The following DCC variants were observed in gnomAD, a reference collection of about 807,000 sequenced individuals.
DCC encodes netrin receptor DCC.
In DCC, 58 loss-of-function variants were observed where a neutral mutation model predicts 172.5. That is an observed-to-expected ratio of 0.34 (90% CI 0.27 to 0.42). The LOEUF is 0.42. Ranked by LOEUF, DCC falls within the 10% of genes least tolerant of loss-of-function variation. The pLI, the probability that DCC is intolerant of heterozygous loss-of-function variation, is 1.00. For missense variants in DCC, 1,740 were observed against 1,791.0 expected, an observed-to-expected ratio of 0.97 and a Z score of 0.51; for synonymous variants, 709 against 644.5, an observed-to-expected ratio of 1.10 and a Z score of -1.52.
At chr18:52,796,050 A>C (rs1374024225) in intron 2 of DCC, among the ~76,000 whole-genome samples, 1 of 122,474 alleles carries the variant, frequency 8.2e-6, no homozygotes, top group African/African-American at 2.8e-5. Flanking sequence ...TGTTTTCTAT[A>C]GGTACAGTTA....
At chr18:52,731,079 C>T (rs1471500532) in intron 1 of DCC, among the ~76,000 whole-genome samples, 1 of 152,190 alleles carries the variant, frequency 6.6e-6, no homozygotes, top group East Asian at 1.9e-4. Flanking sequence ...ACAGCCACAA[C>T]AGGCACTGAG....
intron 7 of DCC, among the ~76,000 whole-genome samples, chr18:53,143,171 T>C (rs1222370426): frequency 6.6e-6 from 1 of 152,152 alleles, no homozygotes; most frequent in Non-Finnish European, 1.5e-5. Context: ...ACTCTTTTCT[T>C]TGGAAGCAAG....
intron 1 of DCC, among the ~76,000 whole-genome samples, chr18:52,581,603 T>A (rs1027775818): frequency 2.0e-5 from 3 of 152,192 alleles, no homozygotes; most frequent in African/African-American, 7.2e-5. Context: ...TCTATACATG[T>A]CACTTTTTCT....
intron 7 of DCC, among the ~76,000 whole-genome samples, chr18:53,111,209 T>G (rs1474974312): frequency 7.9e-6 from 1 of 127,098 alleles, no homozygotes; most frequent in Non-Finnish European, 1.6e-5. Flanking sequence ...TGAGAACACA[T>G]GGACACAGGA....
Position 53,284,116 on chromosome 18 carries a change from C to T in DCC, c.1912-21462C>T, listed in dbSNP as rs1010413684. ...CACGTGGCATTTTACTAACCCCTAC[C>T]TGCATCTCCTCAAACCCTCTGAAAG... is the stretch of plus-strand genomic sequence containing the variant. On this transcript the variant is annotated intron_variant, in intron 12 of 28. Coordinates refer to ENST00000442544, the MANE Select transcript of DCC (RefSeq NM_005215.4). Among the ~76,000 whole-genome samples the T allele has an allele frequency of 2.0e-5, 3 of 152,160 alleles. No homozygotes were observed. In the South Asian group the frequency reaches 6.2e-4, roughly 32 times the overall value.
In DCC at chr18:52,348,287, T is replaced by C. The variant is rs548817216; in HGVS notation, c.91+7409T>C. Among the ~76,000 whole-genome samples, 5 of 152,332 alleles carry C rather than the reference T, an allele frequency of 3.3e-5. No homozygotes were observed. The East Asian group carries it at 9.6e-4, about 29-fold the overall frequency. On this transcript the variant is annotated intron_variant, in intron 1 of 28. Coordinates refer to ENST00000442544, the MANE Select transcript of DCC (RefSeq NM_005215.4). The stretch of plus-strand genomic sequence containing the variant: ...GCTAGTAAAGTTGGCATAAACATTC[T>C]GGTGCATGTCCACCAGCACAAATTT...
chr18:52,929,278 A>C (rs577514151), intron 5 of DCC, among the ~76,000 whole-genome samples: 3 of 152,120 alleles, frequency 2.0e-5, no homozygotes, highest in Admixed American at 6.5e-5. Context: ...GCATCCGACC[A>C]AAGAGTCTTA....
chr18:52,405,499 T>C (rs916895921), intron 1 of DCC, among the ~76,000 whole-genome samples: 2 of 150,896 alleles, frequency 1.3e-5, no homozygotes, highest in Non-Finnish European at 3.0e-5. Flanking sequence ...CGCCCACTTT[T>C]TGATGGGGTT....
At chr18:53,034,374 A>T (rs1243505607) in intron 5 of DCC, among the ~76,000 whole-genome samples, 1 of 152,076 alleles carries the variant, frequency 6.6e-6, no homozygotes. Flanking sequence ...TTAGTATTAC[A>T]TCAAATGCAT....
intron 1 of DCC, among the ~76,000 whole-genome samples, chr18:52,568,603 AT>A (rs201950538): frequency 0.041 from 6,194 of 151,830 alleles, 163 homozygotes; most frequent in Non-Finnish European, 0.054. Context: ...AATAAATATT[AT>A]TTTTTTTCAT....
chr18:53,078,099 T>C (rs773872722), intron 7 of DCC, among the ~76,000 whole-genome samples: 3 of 152,178 alleles, frequency 2.0e-5, no homozygotes, highest in African/African-American at 4.8e-5. Flanking sequence ...CTATATTCAT[T>C]ATTCAATATT....
chr18:53,273,269 G>A (rs1027066243), intron 12 of DCC, among the ~76,000 whole-genome samples: 1 of 151,942 alleles, frequency 6.6e-6, no homozygotes, highest in African/African-American at 2.4e-5. Context: ...AATTATACAT[G>A]AGCCTCTGAA....
chr18:52,842,161 C>T (rs2038817860), intron 2 of DCC, among the ~76,000 whole-genome samples: 1 of 152,112 alleles, frequency 6.6e-6, no homozygotes, highest in Admixed American at 6.6e-5. Flanking sequence ...ACCATTGCTT[C>T]CTTTCAAACA....
At chr18:52,804,209 T>C (rs574707437) in intron 2 of DCC, among the ~76,000 whole-genome samples, 1 of 151,164 alleles carries the variant, frequency 6.6e-6, no homozygotes, top group Non-Finnish European at 1.5e-5. Flanking sequence ...TCACATTCTG[T>C]TAAACACTTT....
chr18:53,396,489 A>T (rs900010704), intron 17 of DCC, among the ~76,000 whole-genome samples: 1 of 152,228 alleles, frequency 6.6e-6, no homozygotes, highest in Non-Finnish European at 1.5e-5. Context: ...TAATACCAAC[A>T]CCACTTTAAA....
rs76804221 is a variant in DCC at position 53,066,890 on chromosome 18, C to T, written c.1261+724C>T. Among the ~76,000 whole-genome samples, 318 of 152,004 alleles carry T rather than the reference C, an allele frequency of 2.1e-3. 6 individuals carry two copies. In the East Asian group the frequency reaches 0.042, roughly 20 times the overall value. On this transcript the variant is annotated intron_variant, in intron 7 of 28. Coordinates refer to ENST00000442544, the MANE Select transcript of DCC (RefSeq NM_005215.4). ...GGAAACTTGAGATTATGGCGGAAGGCGAAGGGGCAGCAAGTGCATCTTATG... is the reference window on the plus strand; with the variant it reads ...GGAAACTTGAGATTATGGCGGAAGGTGAAGGGGCAGCAAGTGCATCTTATG...
chr18:53,109,951 T>C (rs1474919000), intron 7 of DCC, among the ~76,000 whole-genome samples: 6 of 151,628 alleles, frequency 4.0e-5, no homozygotes, highest in Admixed American at 4.0e-4. Flanking sequence ...GAAAGTATTT[T>C]TTTTTTCTGG....
intron 1 of DCC, among the ~76,000 whole-genome samples, chr18:52,536,788 C>T (rs915273066): frequency 6.6e-6 from 1 of 152,096 alleles, no homozygotes; most frequent in Non-Finnish European, 1.5e-5. Flanking sequence ...TTTGAAGGAT[C>T]CTTTCAATAT....
chr18:52,868,053 A>ATATGTGTGTGTGTG (rs61579666), intron 2 of DCC, among the ~76,000 whole-genome samples: 2 of 144,326 alleles, frequency 1.4e-5, no homozygotes, highest in African/African-American at 5.2e-5. Context: ...ATATATATAT[A>ATATGTGTGTGTGTG]TGTGTGTGTG....
Sources: allele counts gnomAD v4.1 joint callset (sites outside exome capture counted in the v4.1 genomes callset), GRCh38; gene constraint gnomAD v4.1.1; transcripts MANE v1.5; gene names NCBI Gene and HGNC (gene_info 2026-07-23, HGNC 2026-07-21).